MGAM: variants seen among roughly 807,000 people sequenced by gnomAD.
MGAM encodes alpha-1,4-glucosidase.
A neutral mutation model predicts 358.8 loss-of-function variants in MGAM; 253 were observed. That is an observed-to-expected ratio of 0.71 (90% CI 0.64 to 0.78). The LOEUF is 0.78. MGAM is among the 30% of genes least tolerant of loss of function. The pLI is 0.00. For missense variants in MGAM, 3,080 were observed against 3,432.6 expected (o/e 0.90, Z 2.57); for synonymous variants, 1,105 against 1,227.1 (o/e 0.90, Z 2.08).
At chr7:142,077,569 C>A (rs1442487895) in intron 47 of MGAM, among the ~76,000 whole-genome samples, 1 of 144,820 alleles carries the variant, frequency 6.9e-6, no homozygotes, top group African/African-American at 2.4e-5. Context: ...AAATTTGCAG[C>A]CTTTATGCTT....
chr7:142,019,639 G>T (rs1484993816), intron 4 of MGAM, among the ~76,000 whole-genome samples: 1 of 152,310 alleles, frequency 6.6e-6, no homozygotes, highest in East Asian at 1.9e-4. Context: ...TAACCTCTCA[G>T]ACTACTTCCA....
intron 1 of MGAM, among the ~76,000 whole-genome samples, chr7:142,001,556 A>T (rs1285938): frequency 6.6e-6 from 1 of 152,042 alleles, no homozygotes. Context: ...GAAAGCAAGC[A>T]TTGGTGGGTT....
In MGAM at chr7:142,095,621, G is replaced by C; in HGVS notation, c.7515G>C (p.Leu2505=). Residue 2505 remains leucine, a synonymous_variant, in exon 64 of 71, where the codon CTG becomes CTC. Transcript: ENST00000475668. The part of the protein sequence containing the change: ...VAFVNISRTV[L]QTRYTLLPYL... ...TTGTGAATATTTCCAGAACTGTCCT[G>C]CAGACCAGATACACCCTGTTGCCAT... 6.2e-7 allele frequency: 1 copy of C among 1,613,858 alleles called. No homozygotes were observed. Among genetic ancestry groups the C allele is most frequent in the Non-Finnish European group, 8.5e-7 (1 of 1,179,800 alleles).
Position 142,034,267 on chromosome 7 carries a change from C to T in MGAM, c.1675C>T (p.Leu559=), listed in dbSNP as rs1554464936. 6.3e-7 allele frequency: 1 copy of T among 1,586,862 alleles called. No individual in the cohort carries two copies. The highest frequency in any genetic ancestry group is 8.6e-7 in the Non-Finnish European group (1 of 1,165,552). ...LNNPPFTPRI[L]DGYLFCKTLC... is the part of the protein sequence containing the mutation. ...TGATCCTGCTTTTGTTTCAGGAATC[C>T]TGGATGGGTACCTGTTCTGCAAGAC... The change falls in exon 15 of 71, where the codon CTG becomes TTG. Residue 559 remains leucine, a synonymous_variant. Transcript: ENST00000475668.
rs1354183082 is a variant in MGAM at position 142,031,674 on chromosome 7, C to T, written c.1471-6C>T. 1.9e-6 allele frequency: 3 copies of T among 1,585,436 alleles called. No homozygotes were observed. Among genetic ancestry groups the T allele is most frequent in the Non-Finnish European group, 2.6e-6 (3 of 1,158,404 alleles). ...TCTTACCAGTGTTTTTCTTTTTCTC[C>T]TGAAGGTCTGGCCTGGACAAACTGT... On this transcript the variant is annotated splice_region_variant and splice_polypyrimidine_tract_variant and intron_variant, in intron 12 of 70. Coordinates refer to ENST00000475668, the MANE Select transcript of MGAM (RefSeq NM_001365693.1).
At chr7:142,020,604 T>G (rs1403698220) in intron 4 of MGAM, among the ~76,000 whole-genome samples, 1 of 107,534 alleles carries the variant, frequency 9.3e-6, no homozygotes, top group African/African-American at 3.7e-5. Context: ...TATATATATA[T>G]TTTTTTTTTT....
At position 142,056,495 on chromosome 7, in the gene MGAM, T is replaced by C. The variant is rs560745860; in HGVS notation, c.3581-335T>C. ...CTCTGCTCACTGTCCGGGTGAGGGA[T>C]CCATACCCTAAACCTCAGCATCATG... is the stretch of plus-strand genomic sequence containing the variant. On this transcript the variant is annotated intron_variant, in intron 29 of 70. Transcript: ENST00000475668. Among the ~76,000 whole-genome samples the C allele has an allele frequency of 1.1e-4, 17 of 152,250 alleles. No individual in the cohort carries two copies. The East Asian group carries it at 3.3e-3, about 29-fold the overall frequency.
At chr7:142,094,905 CA>C (rs1815756045) in intron 63 of MGAM, 42 bp downstream of exon 63, 1 of 1,590,790 alleles carries the variant, frequency 6.3e-7, no homozygotes, top group Non-Finnish European at 8.6e-7. Flanking sequence ...ACTTGAAACA[CA>C]GCCTCCATTT....
intron 13 of MGAM, 66 bp downstream of exon 13, chr7:142,031,859 C>A: frequency 1.8e-6 from 2 of 1,131,936 alleles, no homozygotes; most frequent in Non-Finnish European, 2.7e-6. Context: ...GTATCTGTAT[C>A]TTTGAGTCAC....
In MGAM at chr7:142,076,751, T is replaced by A. The variant is rs2129050312; in HGVS notation, c.5418T>A (p.Pro1806=). 6.4e-7 allele frequency: 1 copy of A among 1,554,492 alleles called. No individual in the cohort carries two copies. Among genetic ancestry groups the A allele is most frequent in the South Asian group, 1.1e-5 (1 of 89,176 alleles). The stretch of plus-strand genomic sequence containing the variant: ...TTAAAATTCTTGGGATGGAGGAACC[T>A]AGCAATGTTACGGTGAAACACAATG... ...NEIKILGMEE[P]SNVTVKHNGV... Residue 1806 remains proline (P), a synonymous_variant, in exon 47 of 71, where the codon CCT becomes CCA. Transcript: ENST00000475668.
chr7:142,029,834 C>T (rs1246430131), intron 10 of MGAM, among the ~76,000 whole-genome samples: 1 of 152,090 alleles, frequency 6.6e-6, no homozygotes, highest in Admixed American at 6.6e-5. Flanking sequence ...TGGAGACAAA[C>T]CTAGGTTGTA....
At chr7:142,050,601 G>C (rs764634541) in intron 23 of MGAM, 96 bp from the exon 24 acceptor site, 2 of 1,262,572 alleles carry the variant, frequency 1.6e-6, no homozygotes, top group Middle Eastern at 1.9e-4. Flanking sequence ...TTATGGCAGT[G>C]GGGGGTATCC....
rs1175717103 is a variant in MGAM, at chr7:142,042,097, T to C, written c.2498+1251T>C. ...AACATACAATATATAACATATAATA[T>C]ATACATATAATATATAATATATAAT... On this transcript the variant is annotated intron_variant, in intron 21 of 70. Coordinates refer to ENST00000475668, the MANE Select transcript of MGAM (RefSeq NM_001365693.1). Among the ~76,000 whole-genome samples the C allele has an allele frequency of 1.9e-3, 147 of 76,532 alleles. 3 individuals carry two copies. The highest frequency in any genetic ancestry group is 3.3e-3 in the Admixed American group (15 of 4,534). 50.2% of individuals were successfully genotyped at this position (76,532 alleles called of 152,430 possible). A position where few individuals can be genotyped will look rare whatever the true frequency, so the allele number is the denominator to read the frequency against.
chr7:142,022,196 C>T (rs555899472), intron 6 of MGAM, 72 bp from the exon 7 acceptor site: 116 of 1,399,186 alleles, frequency 8.3e-5, no homozygotes, highest in African/African-American at 1.3e-4. Context: ...ATATAAAGGA[C>T]GCTTTTCTAA....
intron 7 of MGAM, 113 bp downstream of exon 7, chr7:142,022,552 G>T: frequency 8.6e-7 from 1 of 1,160,784 alleles, no homozygotes; most frequent in Non-Finnish European, 1.2e-6. Context: ...GAGACTACCT[G>T]GCTTTGAATT....
chr7:142,007,759 G>A (rs1805285542), intron 2 of MGAM, among the ~76,000 whole-genome samples: 1 of 152,142 alleles, frequency 6.6e-6, no homozygotes, highest in Non-Finnish European at 1.5e-5. Flanking sequence ...CTAGCTGTCA[G>A]TTTTTAGAGT....
At chr7:142,041,878 A>G (rs1163236300) in intron 21 of MGAM, among the ~76,000 whole-genome samples, 3 of 87,860 alleles carry the variant, frequency 3.4e-5, no homozygotes, top group Non-Finnish European at 6.4e-5. Flanking sequence ...TATATTATAT[A>G]TATACGTATA....
chr7:142,057,635 T>C lies in MGAM; in HGVS notation c.3694-568T>C, dbSNP rs369886485. Among the ~76,000 whole-genome samples the C allele has an allele frequency of 4.0e-5, 6 of 151,254 alleles. 1 individual carries two copies. The highest frequency in any genetic ancestry group is 2.1e-4 in the South Asian group (1 of 4,758). ...GGCACGATCGTGGTACTGGGGGTGA[T>C]GGTGAAAATAGTGATGATGGTGGTG... On this transcript the variant is annotated intron_variant, in intron 30 of 70. Coordinates refer to ENST00000475668, the MANE Select transcript of MGAM (RefSeq NM_001365693.1).
At chr7:142,007,126 T>C (rs980364157) in intron 2 of MGAM, among the ~76,000 whole-genome samples, 5 of 152,130 alleles carry the variant, frequency 3.3e-5, no homozygotes, top group Non-Finnish European at 7.4e-5. Context: ...TCTTTTCAAA[T>C]TGATGTCTTA....
Sources: gnomAD v4.1 joint callset for allele counts (sites outside exome capture counted in the v4.1 genomes callset) on GRCh38, gnomAD v4.1.1 for gene constraint, MANE v1.5 for transcripts, NCBI Gene and HGNC (gene_info 2026-07-23, HGNC 2026-07-21) for gene names.